RSRC1: variants seen among roughly 807,000 people sequenced by gnomAD.
RSRC1 encodes the protein serine/Arginine-related protein 53.
A neutral mutation model predicts 49.1 loss-of-function variants in RSRC1; 39 were observed. The ratio of observed to expected loss-of-function variants is 0.79; its 90% CI spans 0.61 to 1.04. The LOEUF is 1.04. RSRC1 is among the 50% of genes least tolerant of loss of function. The pLI is 0.00. For missense variants in RSRC1, 388 were observed against 402.4 expected (o/e 0.96, Z 0.31); for synonymous variants, 143 against 130.8 (o/e 1.09, Z -0.63).
intron 7 of RSRC1, among the ~76,000 whole-genome samples, chr3:158,487,929 G>A (rs1227943890): frequency 1.1e-5 from 1 of 92,298 alleles, no homozygotes; most frequent in Admixed American, 1.7e-4. Flanking sequence ...CAGCCTAGGA[G>A]ACAAGAGACT....
intron 5 of RSRC1, among the ~76,000 whole-genome samples, chr3:158,346,655 G>C (rs1730567915): frequency 6.6e-6 from 1 of 152,174 alleles, no homozygotes; most frequent in Admixed American, 6.5e-5. Flanking sequence ...TAGAGCAACT[G>C]TAACTCTCAT....
At chr3:158,210,284 C>T (rs1451584880) in intron 4 of RSRC1, among the ~76,000 whole-genome samples, 1 of 152,034 alleles carries the variant, frequency 6.6e-6, no homozygotes, top group Non-Finnish European at 1.5e-5. Context: ...TTTCATTAAA[C>T]ATTTATCACA....
At chr3:158,238,948 A>C (rs1723403121) in intron 4 of RSRC1, among the ~76,000 whole-genome samples, 1 of 152,216 alleles carries the variant, frequency 6.6e-6, no homozygotes, top group Non-Finnish European at 1.5e-5. Context: ...GAATGGGAGA[A>C]ATTTTTTGCA....
At chr3:158,341,571 C>G (rs1005091113) in intron 5 of RSRC1, among the ~76,000 whole-genome samples, 9 of 152,298 alleles carry the variant, frequency 5.9e-5, no homozygotes, top group African/African-American at 2.2e-4. Flanking sequence ...TTGGAAACGC[C>G]TGGTTGCCCA....
At chr3:158,288,794 A>G (rs1162880271) in intron 4 of RSRC1, among the ~76,000 whole-genome samples, 1 of 151,570 alleles carries the variant, frequency 6.6e-6, no homozygotes, top group African/African-American at 2.4e-5. Flanking sequence ...AATGTCAAGA[A>G]TAAAAAATCT....
chr3:158,342,165 CG>C (rs1011264878), intron 5 of RSRC1, among the ~76,000 whole-genome samples: 36 of 152,012 alleles, frequency 2.4e-4, no homozygotes, highest in African/African-American at 8.2e-4. Flanking sequence ...AATGCTGAAA[CG>C]AGTTAAGCCT....
At chr3:158,441,132 A>C (rs146364672) in intron 6 of RSRC1, among the ~76,000 whole-genome samples, 1 of 152,062 alleles carries the variant, frequency 6.6e-6, no homozygotes, top group African/African-American at 2.4e-5. Context: ...TGCTTCTCCT[A>C]CAGTCTGTTG....
chr3:158,488,490 G>C (rs1422193500), intron 7 of RSRC1, among the ~76,000 whole-genome samples: 1 of 150,278 alleles, frequency 6.7e-6, no homozygotes, highest in Non-Finnish European at 1.5e-5. Context: ...AATTCTTTGT[G>C]ACTGACTGAC....
rs1397618856 is a variant in RSRC1, at chr3:158,186,760, AC to A, written c.321-16311del. On this transcript the variant is annotated intron_variant, in intron 3 of 9. Transcript: ENST00000611884. The stretch of plus-strand genomic sequence containing the variant: ...TTATATGCTTTTTTAGAGGGGAGGC[AC>A]TGACTTTCTGCATTTCTCTTTTGCT... Among the ~76,000 whole-genome samples the A allele has an allele frequency of 4.6e-5, 7 of 152,062 alleles. No individual in the cohort carries two copies. The East Asian group carries it at 1.4e-3, about 29-fold the overall frequency.
intron 7 of RSRC1, among the ~76,000 whole-genome samples, chr3:158,465,114 C>T (rs770135060): frequency 6.6e-6 from 1 of 152,046 alleles, no homozygotes; most frequent in Non-Finnish European, 1.5e-5. Context: ...TCTGGGACAC[C>T]GAATAGGTGA....
chr3:158,265,158 C>T (rs142517042), intron 4 of RSRC1, among the ~76,000 whole-genome samples: 1 of 152,296 alleles, frequency 6.6e-6, no homozygotes, highest in Non-Finnish European at 1.5e-5. Context: ...GGCCTTCATA[C>T]TTTGTTTCTT....
intron 6 of RSRC1, among the ~76,000 whole-genome samples, chr3:158,373,697 T>A (rs1732204283): frequency 1.3e-5 from 2 of 151,946 alleles, no homozygotes; most frequent in Admixed American, 1.3e-4. Flanking sequence ...TAGAACCATT[T>A]CTATACATAA....
chr3:158,412,544 TATGTTA>T (rs368955309), intron 6 of RSRC1, among the ~76,000 whole-genome samples: 294 of 152,278 alleles, frequency 1.9e-3, no homozygotes, highest in African/African-American at 5.9e-3. Flanking sequence ...TGTTATGGTT[TATGTTA>T]ATGTTAATGA....
chr3:158,465,107 G>A (rs1411369172), intron 7 of RSRC1, among the ~76,000 whole-genome samples: 2 of 152,186 alleles, frequency 1.3e-5, no homozygotes, highest in African/African-American at 2.4e-5. Flanking sequence ...TTGAGTTTCT[G>A]GGACACCGAA....
chr3:158,279,953 G>T (rs575872854), intron 4 of RSRC1, among the ~76,000 whole-genome samples: 1 of 152,168 alleles, frequency 6.6e-6, no homozygotes, highest in South Asian at 2.1e-4. Flanking sequence ...TGGTCAGCTG[G>T]TGTTACTGCC....
In RSRC1 at chr3:158,135,565, C is replaced by A. The variant is rs184227091; in HGVS notation, c.320+11574C>A. 4.3e-4 allele frequency among the ~76,000 whole-genome samples: 66 copies of A among 152,164 alleles called. 1 individual carries two copies. Among genetic ancestry groups the A allele is most frequent in the East Asian group, 2.5e-3 (13 of 5,180 alleles). ...AAAGTGCTGGGATTATAGGCATGAG[C>A]CACTGCGCCCGGCCTATAGTGTAAA... On this transcript the variant is annotated intron_variant, in intron 3 of 9. Transcript: ENST00000611884.
At chr3:158,420,103 C>G (rs1734958904) in intron 6 of RSRC1, among the ~76,000 whole-genome samples, 1 of 151,956 alleles carries the variant, frequency 6.6e-6, no homozygotes. Flanking sequence ...ACCTGCGTTG[C>G]TTCACCTGTG....
chr3:158,207,127 T>C (rs150221156), intron 4 of RSRC1, among the ~76,000 whole-genome samples: 1 of 152,296 alleles, frequency 6.6e-6, no homozygotes, highest in African/African-American at 2.4e-5. Context: ...GACTGTCACC[T>C]GCCTCTTAAC....
chr3:158,162,957 G>A (rs1232338432), intron 3 of RSRC1, among the ~76,000 whole-genome samples: 2 of 152,064 alleles, frequency 1.3e-5, no homozygotes, highest in African/African-American at 4.8e-5. Flanking sequence ...TGGATATTGT[G>A]TTATTTTGTT....
Sources: gnomAD v4.1 joint callset for allele counts (sites outside exome capture counted in the v4.1 genomes callset) on GRCh38, gnomAD v4.1.1 for gene constraint, MANE v1.5 for transcripts, NCBI Gene and HGNC (gene_info 2026-07-23, HGNC 2026-07-21) for gene names.